The following KLF13 variants were observed in gnomAD, a reference collection of about 807,000 sequenced individuals.
KLF13 encodes KLF transcription factor 13, also known as Krueppel-like factor 13.
A neutral mutation model predicts 16.7 loss-of-function variants in KLF13; 8 were observed. The observed-to-expected ratio is 0.48, with a 90% CI of 0.28 to 0.87. The LOEUF (loss-of-function observed/expected upper bound fraction) is 0.87, where lower values mean the gene tolerates loss of function less well. KLF13 is among the 40% of genes least tolerant of loss of function. The probability of loss-of-function intolerance (pLI) is 0.10; values close to 1 mark genes in which losing one functional copy is unlikely to be tolerated. For missense variants in KLF13, 447 were observed against 452.2 expected (o/e 0.99, Z 0.10); for synonymous variants, 245 against 208.4 (o/e 1.18, Z -1.51).
chr15:31,405,880 C>G (rs578246971), downstream of KLF13, among the ~76,000 whole-genome samples: 4 of 152,254 alleles, frequency 2.6e-5, no homozygotes, highest in South Asian at 8.3e-4. Context: ...ACAAAAGTAA[C>G]AGTTGTCCCT....
At chr15:31,432,154 T>C (rs200948834) in intron 1 of KLF13, among the ~76,000 whole-genome samples, 1 of 142,634 alleles carries the variant, frequency 7.0e-6, no homozygotes, top group Non-Finnish European at 1.6e-5. Context: ...CTTACAAAAC[T>C]TTCAGGTCGT....
chr15:31,327,801 GGCGCGGGCGCCCGGATC>G lies in KLF13; in HGVS notation c.577+19_577+35del. The G allele has an allele frequency of 6.8e-7, 1 of 1,467,236 alleles. No individual in the cohort carries two copies. The highest frequency in any genetic ancestry group is 9.1e-7 in the Non-Finnish European group (1 of 1,098,376). 90.9% of individuals were successfully genotyped at this position (1,467,236 alleles called of 1,614,324 possible). A position where few individuals can be genotyped will look rare whatever the true frequency, so the allele number is the denominator to read the frequency against. On this transcript the variant is annotated intron_variant, in intron 1 of 1. Transcript: ENST00000307145. Reference sequence around the variant, plus strand: ...GAGAACTCACACAGGTCAGTGGGGCGGCGCGGGCGCCCGGATCGCGCGGACGGGGTCGGCGCGAGCTG... The same window carrying G: ...GAGAACTCACACAGGTCAGTGGGGCGGCGCGGACGGGGTCGGCGCGAGCTG...
At chr15:31,420,693 TTC>T in intron 1 of KLF13, 1 of 324,642 alleles carries the variant, frequency 3.1e-6, no homozygotes, top group Non-Finnish European at 5.9e-6. Context: ...TTTTTTTTCT[TTC>T]TTTTTTTTTT....
At chr15:31,356,690 G>A (rs1178434050) in intron 1 of KLF13, among the ~76,000 whole-genome samples, 1 of 152,222 alleles carries the variant, frequency 6.6e-6, no homozygotes, top group Non-Finnish European at 1.5e-5. Context: ...ACGTTTCTCT[G>A]GGTTGAATCA....
intron 1 of KLF13, among the ~76,000 whole-genome samples, chr15:31,336,925 G>A (rs965346925): frequency 6.6e-6 from 1 of 152,178 alleles, no homozygotes; most frequent in Non-Finnish European, 1.5e-5. Context: ...AGGGACCAGG[G>A]CGGATAAATG....
downstream of KLF13, among the ~76,000 whole-genome samples, chr15:31,404,929 G>T (rs893908972): frequency 1.5e-4 from 23 of 152,118 alleles, no homozygotes; most frequent in Non-Finnish European, 2.8e-4. Flanking sequence ...AGAGAACAGT[G>T]GGGGGAGCTC....
At chr15:31,390,896 T>C (rs1273893926), upstream of KLF13, among the ~76,000 whole-genome samples, 1 of 151,756 alleles carries the variant, frequency 6.6e-6, no homozygotes, top group Non-Finnish European at 1.5e-5. Flanking sequence ...ATTCATCCCC[T>C]AAGACCCAGA....
chr15:31,375,759 G>A lies in KLF13; in HGVS notation c.*3460G>A, dbSNP rs2039633007. On this transcript the variant is annotated 3_prime_UTR_variant, in exon 2 of 2. Transcript: ENST00000307145. ...CACAGCCCTTTCCTTAAAGAGCCCTGGGGTCCTGTCCTGCAGGATGCTGCA... is the reference window on the plus strand; with the variant it reads ...CACAGCCCTTTCCTTAAAGAGCCCTAGGGTCCTGTCCTGCAGGATGCTGCA... 6.6e-6 allele frequency: 1 copy of A among 152,172 alleles called. No individual in the cohort carries two copies. The highest frequency in any genetic ancestry group is 2.4e-5 in the African/African-American group (1 of 41,426). 9.4% of individuals were successfully genotyped at this position (152,172 alleles called of 1,614,324 possible).
intron 1 of KLF13, among the ~76,000 whole-genome samples, chr15:31,427,715 GCAGGAAA>G (rs1384400045): frequency 6.6e-6 from 1 of 152,196 alleles, no homozygotes; most frequent in Non-Finnish European, 1.5e-5. Context: ...TGCAGGCTGT[GCAGGAAA>G]CATGGTGGCT....
chr15:31,394,025 T>C, intron 2 of KLF13, among the ~76,000 whole-genome samples: 1 of 152,020 alleles, frequency 6.6e-6, no homozygotes, highest in East Asian at 1.9e-4. Flanking sequence ...AGGTTGTTCC[T>C]GGGGGCGCGG....
At chr15:31,328,035 G>T (rs1209314176) in intron 1 of KLF13, among the ~76,000 whole-genome samples, 1 of 147,004 alleles carries the variant, frequency 6.8e-6, no homozygotes, top group Non-Finnish European at 1.5e-5. Flanking sequence ...CCCCCTCCCC[G>T]GGCGCGCTCG....
chr15:31,337,453 T>A (rs187727730), intron 1 of KLF13, among the ~76,000 whole-genome samples: 65 of 151,924 alleles, frequency 4.3e-4, no homozygotes, highest in African/African-American at 1.5e-3. Context: ...TTTTTCTGCT[T>A]GCATGGCAGG....
At chr15:31,392,412 G>T (rs1163522057), upstream of KLF13, among the ~76,000 whole-genome samples, 2 of 152,184 alleles carry the variant, frequency 1.3e-5, no homozygotes, top group Non-Finnish European at 2.9e-5. Flanking sequence ...GCGGTGCTGA[G>T]CCTCGAGCCG....
At chr15:31,342,190 CCT>C (rs1339068325) in intron 1 of KLF13, among the ~76,000 whole-genome samples, 5 of 152,140 alleles carry the variant, frequency 3.3e-5, no homozygotes, top group Admixed American at 3.3e-4. Flanking sequence ...TGCCCTGCAC[CCT>C]GTGTCAGTAG....
chr15:31,408,473 C>T (rs1004902312), downstream of KLF13, among the ~76,000 whole-genome samples: 3 of 152,040 alleles, frequency 2.0e-5, no homozygotes, highest in African/African-American at 7.2e-5. Context: ...GCAAAATAGC[C>T]CCCATTCTAA....
chr15:31,341,529 A>G (rs1595457490), intron 1 of KLF13, among the ~76,000 whole-genome samples: 1 of 148,866 alleles, frequency 6.7e-6, no homozygotes, highest in African/African-American at 2.5e-5. Context: ...GGCTGGGACA[A>G]TTCAGAACTT....
downstream of KLF13, among the ~76,000 whole-genome samples, chr15:31,379,588 G>A (rs1056460266): frequency 9.2e-5 from 14 of 152,302 alleles, no homozygotes; most frequent in East Asian, 9.6e-4. Context: ...AGAGGCCCCC[G>A]GTAATGGAGA....
At chr15:31,350,382 A>G (rs779708429) in intron 1 of KLF13, among the ~76,000 whole-genome samples, 2 of 152,206 alleles carry the variant, frequency 1.3e-5, no homozygotes, top group South Asian at 2.1e-4. Context: ...AATGAGAACA[A>G]TGGTCTCTCA....
intron 1 of KLF13, among the ~76,000 whole-genome samples, chr15:31,348,165 C>T (rs750584776): frequency 5.3e-5 from 8 of 152,316 alleles, no homozygotes; most frequent in Non-Finnish European, 1.2e-4. Flanking sequence ...CTCCTCCTCC[C>T]GTGGATTGCC....
Sources: gnomAD v4.1 joint callset for allele counts (sites outside exome capture counted in the v4.1 genomes callset) on GRCh38, gnomAD v4.1.1 for gene constraint, MANE v1.5 for transcripts, NCBI Gene and HGNC (gene_info 2026-07-23, HGNC 2026-07-21) for gene names.